Variants in PTPRM observed in about 807,000 individuals in gnomAD.
PTPRM encodes the protein protein tyrosine phosphatase receptor type M.
PTPRM carries 47 observed loss-of-function variants against 186.7 expected under a neutral mutation model. The ratio of observed to expected loss-of-function variants is 0.25; its 90% CI spans 0.20 to 0.32. The LOEUF is 0.32. Ranked by LOEUF, PTPRM falls within the 10% of genes least tolerant of loss-of-function variation. The pLI is 1.00. For synonymous variants in PTPRM, 668 were observed against 674.9 expected (o/e 0.99, Z 0.16); for missense variants, 1,494 against 1,865.0 (o/e 0.80, Z 3.66).
At chr18:8,215,164 A>G (rs1383702880) in intron 14 of PTPRM, among the ~76,000 whole-genome samples, 2 of 152,234 alleles carry the variant, frequency 1.3e-5, no homozygotes, top group Non-Finnish European at 2.9e-5. Context: ...AGCAATAGCA[A>G]TAGGTGACCT....
intron 14 of PTPRM, among the ~76,000 whole-genome samples, chr18:8,192,177 CTG>C (rs1265851309): frequency 2.0e-5 from 3 of 152,038 alleles, no homozygotes; most frequent in East Asian, 1.9e-4. Flanking sequence ...AGGAAAATCT[CTG>C]TAATATTAAA....
intron 11 of PTPRM, among the ~76,000 whole-genome samples, chr18:8,111,025 C>A (rs1369547935): frequency 2.0e-5 from 3 of 152,182 alleles, no homozygotes; most frequent in Non-Finnish European, 4.4e-5. Flanking sequence ...ACTGGCTCTG[C>A]TGTCAGACCA....
intron 12 of PTPRM, 135 bp downstream of exon 12, chr18:8,113,894 T>A: frequency 1.0e-6 from 1 of 985,790 alleles, no homozygotes; most frequent in Non-Finnish European, 1.4e-6. Context: ...TTTTCTTCTC[T>A]TAAAATTATT....
chr18:8,172,722 T>C (rs1442054816), intron 14 of PTPRM, among the ~76,000 whole-genome samples: 1 of 151,738 alleles, frequency 6.6e-6, no homozygotes, highest in South Asian at 2.1e-4. Flanking sequence ...AAAAAAAAAC[T>C]TCTGCTTAAC....
At chr18:8,290,638 C>T (rs1171644160) in intron 19 of PTPRM, among the ~76,000 whole-genome samples, 1 of 152,152 alleles carries the variant, frequency 6.6e-6, no homozygotes, top group African/African-American at 2.4e-5. Flanking sequence ...GAGAGTACAG[C>T]ATCTTCAAGT....
chr18:8,065,837 C>T (rs2089026900), intron 7 of PTPRM, among the ~76,000 whole-genome samples: 1 of 152,132 alleles, frequency 6.6e-6, no homozygotes, highest in African/African-American at 2.4e-5. Context: ...GTATTCTACT[C>T]CCAGAAATGC....
At chr18:8,255,470 A>G (rs755359605) in intron 19 of PTPRM, among the ~76,000 whole-genome samples, 20 of 152,340 alleles carry the variant, frequency 1.3e-4, no homozygotes, top group Admixed American at 3.3e-4. Flanking sequence ...ACTAATTTGA[A>G]CCATATTATG....
chr18:7,934,821 G>T (rs185478093), intron 5 of PTPRM, among the ~76,000 whole-genome samples: 2 of 152,252 alleles, frequency 1.3e-5, no homozygotes, highest in African/African-American at 4.8e-5. Context: ...CGTCTATGTT[G>T]TATCGTAACC....
At chr18:7,904,017 AT>A (rs1229282538) in intron 3 of PTPRM, among the ~76,000 whole-genome samples, 3 of 151,954 alleles carry the variant, frequency 2.0e-5, no homozygotes, top group Admixed American at 6.6e-5. Flanking sequence ...TAAAGATTTC[AT>A]TTTTTTTGAA....
At chr18:7,976,225 A>G (rs1171462586) in intron 7 of PTPRM, among the ~76,000 whole-genome samples, 2 of 152,186 alleles carry the variant, frequency 1.3e-5, no homozygotes, top group African/African-American at 4.8e-5. Context: ...TAGGCAACCC[A>G]TGACTATATA....
chr18:8,031,299 A>G (rs1463108720), intron 7 of PTPRM, among the ~76,000 whole-genome samples: 3 of 152,184 alleles, frequency 2.0e-5, no homozygotes, highest in African/African-American at 7.2e-5. Flanking sequence ...CTTTGCAGAT[A>G]GTGCTAACAG....
intron 1 of PTPRM, among the ~76,000 whole-genome samples, chr18:7,596,944 C>T (rs928327064): frequency 6.6e-6 from 1 of 152,052 alleles, no homozygotes; most frequent in Admixed American, 6.5e-5. Context: ...ACCTCCGCCT[C>T]CCAGGCTCAA....
intron 7 of PTPRM, among the ~76,000 whole-genome samples, chr18:8,059,169 C>A (rs924753285): frequency 4.0e-5 from 6 of 151,042 alleles, no homozygotes; most frequent in African/African-American, 1.5e-4. Context: ...AGGTCCTTCA[C>A]ATCCCTTGTA....
chr18:8,382,390 G>A (rs1222421250), intron 29 of PTPRM, among the ~76,000 whole-genome samples: 1 of 152,038 alleles, frequency 6.6e-6, no homozygotes, highest in East Asian at 1.9e-4. Context: ...GTAGAAAAAT[G>A]GGCAGAACGG....
intron 14 of PTPRM, among the ~76,000 whole-genome samples, chr18:8,185,088 T>G (rs1472038593): frequency 6.6e-6 from 1 of 152,028 alleles, no homozygotes; most frequent in Non-Finnish European, 1.5e-5. Flanking sequence ...TGCCAATGAG[T>G]AGACAATGGT....
At chr18:7,812,039 C>T (rs778934653) in intron 2 of PTPRM, among the ~76,000 whole-genome samples, 2 of 152,154 alleles carry the variant, frequency 1.3e-5, no homozygotes, top group Non-Finnish European at 2.9e-5. Context: ...GGCTCTTGTG[C>T]ACTGATTCTT....
At chr18:8,340,270 A>G (rs2095466996) in intron 22 of PTPRM, among the ~76,000 whole-genome samples, 1 of 152,180 alleles carries the variant, frequency 6.6e-6, no homozygotes, top group South Asian at 2.1e-4. Flanking sequence ...GGATCTATTT[A>G]GAATAATCTT....
At chr18:8,008,714 T>G (rs1205087653) in intron 7 of PTPRM, among the ~76,000 whole-genome samples, 1 of 152,170 alleles carries the variant, frequency 6.6e-6, no homozygotes, top group Non-Finnish European at 1.5e-5. Context: ...AAAGTGTTGC[T>G]GCAGGAAGCC....
intron 1 of PTPRM, among the ~76,000 whole-genome samples, chr18:7,703,662 A>T (rs1359819364): frequency 6.6e-6 from 1 of 152,080 alleles, no homozygotes; most frequent in Non-Finnish European, 1.5e-5. Context: ...AATACCCTTT[A>T]TTTCTTTCTC....
Sources: gnomAD v4.1 joint callset for allele counts (sites outside exome capture counted in the v4.1 genomes callset) on GRCh38, gnomAD v4.1.1 for gene constraint, MANE v1.5 for transcripts, NCBI Gene and HGNC (gene_info 2026-07-23, HGNC 2026-07-21) for gene names.